APC: variants seen among roughly 807,000 people sequenced by gnomAD.
The protein encoded by APC is APC regulator of Wnt signaling pathway.
A neutral mutation model predicts 247.0 loss-of-function variants in APC; 72 were observed. The observed-to-expected ratio is 0.29, with a 90% CI of 0.24 to 0.35. The LOEUF (loss-of-function observed/expected upper bound fraction) is 0.35, where lower values mean the gene tolerates loss of function less well. Among genes scored for constraint, APC ranks in the 10% least tolerant of loss-of-function variants. The pLI is 1.00. For missense variants in APC, 3,400 were observed against 3,360.7 expected (o/e 1.01, Z -0.29); for synonymous variants, 1,254 against 1,162.5 (o/e 1.08, Z -1.60).
At chr5:112,734,188 G>A (rs1459590192), upstream of APC, among the ~76,000 whole-genome samples, 5 of 152,200 alleles carry the variant, frequency 3.3e-5, no homozygotes, top group South Asian at 2.1e-4. Flanking sequence ...GCAAGACCTC[G>A]TCCCTGAAAA....
rs1489528719 is a variant in APC, at chr5:112,840,108, G to T, written c.4514G>T (p.Ser1505Ile). Residue 1505 changes from serine to isoleucine, a missense_variant, in exon 16 of 16, where the codon AGC (serine) becomes ATC (isoleucine). Around this residue, in one of 9 missense-constraint regions of APC, gnomAD observed 1,788 missense variants for 1,649.5 expected, o/e 1.08. Transcript: ENST00000257430. This position sits in a 1 kb window ranked among gnomAD's most constrained non-coding sequence, Gnocchi z 4.1. ...CCAGATGGATTTTCTTGTTCATCCA[G>T]CCTGAGTGCTCTGAGCCTCGATGAG... ...STPDGFSCSS[S>I]LSALSLDEPF... The T allele has an allele frequency of 6.2e-7, 1 of 1,614,102 alleles. No individual in the cohort carries two copies. The highest frequency in any genetic ancestry group is 8.5e-7 in the Non-Finnish European group (1 of 1,180,022).
At chr5:112,739,581 G>A (rs987526104) in intron 1 of APC, among the ~76,000 whole-genome samples, 7 of 152,072 alleles carry the variant, frequency 4.6e-5, no homozygotes, top group South Asian at 2.1e-4. Context: ...CTTAGGAGCC[G>A]GGCGTGGTGG....
chr5:112,800,527 G>A (rs541388171), intron 7 of APC, among the ~76,000 whole-genome samples: 1 of 152,192 alleles, frequency 6.6e-6, no homozygotes, highest in Middle Eastern at 3.4e-3. Flanking sequence ...CCACTGTTAG[G>A]TCAGATTTTT....
chr5:112,720,339 A>G (rs1751413801), intron 1 of APC, among the ~76,000 whole-genome samples: 1 of 152,230 alleles, frequency 6.6e-6, no homozygotes, highest in Non-Finnish European at 1.5e-5. Flanking sequence ...TAAGTCAAAG[A>G]TTCCTATTAT....
chr5:112,798,340 C>G (rs543223270), intron 7 of APC, among the ~76,000 whole-genome samples: 9 of 152,260 alleles, frequency 5.9e-5, no homozygotes, highest in African/African-American at 1.9e-4. Flanking sequence ...CCATTTATAT[C>G]AAATGTCCAG....
At chr5:112,765,739 A>G (rs1333179786) in intron 2 of APC, among the ~76,000 whole-genome samples, 1 of 152,202 alleles carries the variant, frequency 6.6e-6, no homozygotes, top group Admixed American at 6.5e-5. Flanking sequence ...ACATTCTTTG[A>G]GAAAAAATGA....
In APC at chr5:112,840,050, G is replaced by A. The variant is rs2149915196; in HGVS notation, c.4456G>A (p.Asp1486Asn). 6.2e-7 allele frequency: 1 copy of A among 1,614,066 alleles called. No individual in the cohort carries two copies. Among genetic ancestry groups the A allele is most frequent in the Non-Finnish European group, 8.5e-7 (1 of 1,179,996 alleles). Reference protein sequence around the residue: ...VQRVQVLPDADTLLHFATEST... With the variant: ...VQRVQVLPDANTLLHFATEST... ...GAGGGTCCAGGTTCTTCCAGATGCT[G>A]ATACTTTATTACATTTTGCCACGGA... is the stretch of plus-strand genomic sequence containing the variant. The change falls in exon 16 of 16, where the codon GAT (aspartate) becomes AAT (asparagine). Residue 1486 changes from aspartate (D) to asparagine (N), a missense_variant. Transcript: ENST00000257430. This position sits in a 1 kb window ranked among gnomAD's most constrained non-coding sequence, Gnocchi z 4.1.
rs183973142 is a variant in APC, at chr5:112,756,415, A to C, written c.135+1390A>C. Among the ~76,000 whole-genome samples the C allele has an allele frequency of 4.4e-3, 677 of 152,374 alleles. 3 individuals carry two copies. Among genetic ancestry groups the C allele is most frequent in the Middle Eastern group, 0.01 (3 of 294 alleles). On this transcript the variant is annotated intron_variant, in intron 2 of 15. Coordinates refer to ENST00000257430, the MANE Select transcript of APC (RefSeq NM_000038.6). ...TGGGTGACCTAAAAAGACTTGCATT[A>C]GTTGCCTAACAGGTTAAAAAAGAGT...
At chr5:112,776,939 A>T (rs1757726498) in intron 5 of APC, among the ~76,000 whole-genome samples, 1 of 152,296 alleles carries the variant, frequency 6.6e-6, no homozygotes, top group East Asian at 1.9e-4. Context: ...ATTAAAATAC[A>T]CTAGGATTTG....
chr5:112,829,877 A>G (rs1764132527), intron 14 of APC: 1 of 152,188 alleles, frequency 6.6e-6, no homozygotes, highest in Non-Finnish European at 1.5e-5. Flanking sequence ...TCAAATAATA[A>G]TTTGTTTACA....
At chr5:112,802,864 T>C (rs935710189) in intron 8 of APC, among the ~76,000 whole-genome samples, 1 of 151,820 alleles carries the variant, frequency 6.6e-6, no homozygotes, top group African/African-American at 2.4e-5. Context: ...AAATTCAAGA[T>C]GCAAAAAACA....
chr5:112,827,029 A>G (rs1445490038), intron 11 of APC, 79 bp from the exon 12 acceptor site: 5 of 1,401,080 alleles, frequency 3.6e-6, no homozygotes, highest in Admixed American at 3.9e-5. Flanking sequence ...TTTTTTTCCT[A>G]GTATTTAAGT....
chr5:112,754,519 C>T (rs1231599099), intron 1 of APC, among the ~76,000 whole-genome samples: 1 of 151,954 alleles, frequency 6.6e-6, no homozygotes, highest in Non-Finnish European at 1.5e-5. Context: ...AAATTTTTAT[C>T]ATAATTATAT....
rs863224284 is a variant in APC, at chr5:112,840,583, A to G, written c.4989A>G (p.Glu1663=). 1 of 1,614,142 alleles carries G rather than the reference A, an allele frequency of 6.2e-7. No individual in the cohort carries two copies. The highest frequency in any genetic ancestry group is 8.5e-7 in the Non-Finnish European group (1 of 1,180,006). The part of the protein sequence containing the change: ...TATSLSDLTI[E]SPPNELAAGE... ...CATCTCTAAGTGATCTAACAATCGA[A>G]TCCCCTCCAAATGAGTTAGCTGCTG... The change falls in exon 16 of 16, where the codon GAA becomes GAG. Residue 1663 remains glutamate (E), a synonymous_variant. Coordinates refer to ENST00000257430, the MANE Select transcript of APC (RefSeq NM_000038.6). The surrounding 1 kb of genome is among the most constrained non-coding windows in gnomAD (Gnocchi z 4.1).
At chr5:112,733,096 T>A (rs1752177903), upstream of APC, among the ~76,000 whole-genome samples, 1 of 152,230 alleles carries the variant, frequency 6.6e-6, no homozygotes. Flanking sequence ...TGCTGGAGCC[T>A]TCTAAAGTAT....
chr5:112,818,273 CT>C (rs1762709370), intron 9 of APC, among the ~76,000 whole-genome samples: 1 of 152,204 alleles, frequency 6.6e-6, no homozygotes, highest in Non-Finnish European at 1.5e-5. Flanking sequence ...CTGGGTGCCA[CT>C]TTCCGGTTTC....
intron 1 of APC, among the ~76,000 whole-genome samples, chr5:112,716,128 C>T (rs1003244478): frequency 3.9e-5 from 6 of 151,926 alleles, no homozygotes; most frequent in Non-Finnish European, 5.9e-5. Flanking sequence ...TATTTCCTTC[C>T]CTGCTGCTTT....
intron 4 of APC, among the ~76,000 whole-genome samples, chr5:112,773,599 A>G (rs1180673744): frequency 2.0e-5 from 3 of 152,220 alleles, no homozygotes; most frequent in Non-Finnish European, 4.4e-5. Context: ...ATTATATACT[A>G]TGTTAAGTTA....
chr5:112,753,366 A>G (rs1014923941), intron 1 of APC, among the ~76,000 whole-genome samples: 3 of 152,184 alleles, frequency 2.0e-5, no homozygotes, highest in Non-Finnish European at 4.4e-5. Flanking sequence ...GTTATGTTAC[A>G]TGTATATTTT....
Sources: gnomAD v4.1 joint callset for allele counts (sites outside exome capture counted in the v4.1 genomes callset) on GRCh38, gnomAD v4.1.1 for gene constraint, gnomAD v4.1.1 regional missense constraint, Gnocchi (gnomAD v3.1) non-coding constraint, MANE v1.5 for transcripts, NCBI Gene and HGNC (gene_info 2026-07-23, HGNC 2026-07-21) for gene names.